The following IQCJ variants were observed in gnomAD, a reference collection of about 807,000 sequenced individuals.
The protein encoded by IQCJ is IQ domain-containing protein J.
A neutral mutation model predicts 11.0 loss-of-function variants in IQCJ; 9 were observed. The observed-to-expected ratio is 0.82, with a 90% CI of 0.49 to 1.43. The LOEUF (loss-of-function observed/expected upper bound fraction) is 1.43, where lower values mean the gene tolerates loss of function less well. IQCJ is among the 40% of genes most tolerant of loss of function. IQCJ has a pLI of 0.00. For synonymous variants in IQCJ, 55 were observed against 51.3 expected, an observed-to-expected ratio of 1.07 and a Z score of -0.31; for missense variants, 146 against 133.2, an observed-to-expected ratio of 1.10 and a Z score of -0.47.
At chr3:159,139,281 T>A (rs945614302) in intron 1 of IQCJ, among the ~76,000 whole-genome samples, 1 of 152,158 alleles carries the variant, frequency 6.6e-6, no homozygotes, top group Non-Finnish European at 1.5e-5. Context: ...TTAAAAGAAA[T>A]GAATTGGTTA....
chr3:159,119,037 A>G (rs537614648), intron 1 of IQCJ, among the ~76,000 whole-genome samples: 2 of 152,338 alleles, frequency 1.3e-5, no homozygotes, highest in South Asian at 4.1e-4. Flanking sequence ...CATGCTTTCC[A>G]TAAAAACAGG....
chr3:159,187,832 T>G (rs186862202), intron 1 of IQCJ, among the ~76,000 whole-genome samples: 2 of 152,254 alleles, frequency 1.3e-5, no homozygotes, highest in African/African-American at 4.8e-5. Context: ...GAGTGAAAGC[T>G]TTTCCTCCCT....
At chr3:159,236,541 C>T in intron 1 of IQCJ, among the ~76,000 whole-genome samples, 1 of 152,128 alleles carries the variant, frequency 6.6e-6, no homozygotes, top group East Asian at 1.9e-4. Flanking sequence ...TTGGGCTGTG[C>T]AGCTGGGTCA....
intron 1 of IQCJ, among the ~76,000 whole-genome samples, chr3:159,090,714 A>T (rs183805341): frequency 4.1e-4 from 62 of 151,986 alleles, no homozygotes; most frequent in Non-Finnish European, 1.3e-4. Context: ...CTCTCTTTCC[A>T]CAGGGTCTGG....
At chr3:159,185,667 T>A (rs1164626747) in intron 1 of IQCJ, among the ~76,000 whole-genome samples, 1 of 152,208 alleles carries the variant, frequency 6.6e-6, no homozygotes, top group Non-Finnish European at 1.5e-5. Flanking sequence ...AAAATGACAC[T>A]CACATGATTA....
chr3:159,116,685 A>G (rs1236556286), intron 1 of IQCJ, among the ~76,000 whole-genome samples: 2 of 123,660 alleles, frequency 1.6e-5, no homozygotes, highest in South Asian at 2.6e-4. Flanking sequence ...CTTCATCTAG[A>G]TTTTCTCATC....
At chr3:159,189,118 A>G (rs1246626019) in intron 1 of IQCJ, among the ~76,000 whole-genome samples, 1 of 152,164 alleles carries the variant, frequency 6.6e-6, no homozygotes, top group Non-Finnish European at 1.5e-5. Context: ...TTGACATGAT[A>G]GAGAGTAGGA....
chr3:159,263,697 T>TA lies in IQCJ; in HGVS notation c.*967dup, dbSNP rs1375113321. On this transcript the variant is annotated 3_prime_UTR_variant, in exon 4 of 4. Coordinates refer to ENST00000397832, the MANE Select transcript of IQCJ (RefSeq NM_001042706.3). ...ATTCTTTTTGGGATCAGGTAAAAGT[T>TA]ACTGTATTTGAAATGTTTTCAGATG... The TA allele has an allele frequency of 2.0e-6, 2 of 985,294 alleles. No individual in the cohort carries two copies. Among genetic ancestry groups the TA allele is most frequent in the Non-Finnish European group, 2.4e-6 (2 of 829,894 alleles). 61.0% of individuals were successfully genotyped at this position (985,294 alleles called of 1,614,324 possible). A position where few individuals can be genotyped will look rare whatever the true frequency, so the allele number is the denominator to read the frequency against.
rs973953664 is a variant in IQCJ at position 159,245,350 on chromosome 3, A to G, written c.10-493A>G. Among the ~76,000 whole-genome samples, 6 of 151,406 alleles carry G rather than the reference A, an allele frequency of 4.0e-5. No homozygotes were observed. The South Asian group carries it at 6.3e-4, about 16-fold the overall frequency. ...AAACTGATAGGAAACATTAGTGAGT[A>G]AAAAAAAAGTCACACAATTTGAGTG... On this transcript the variant is annotated intron_variant, in intron 1 of 3. Transcript: ENST00000397832.
chr3:159,101,120 T>C (rs1354180704), intron 1 of IQCJ, among the ~76,000 whole-genome samples: 4 of 134,286 alleles, frequency 3.0e-5, no homozygotes, highest in African/African-American at 8.6e-5. Context: ...CGGGTGGGAG[T>C]GACCCGATTT....
chr3:159,154,289 G>A (rs144980193), intron 1 of IQCJ, among the ~76,000 whole-genome samples: 37 of 152,238 alleles, frequency 2.4e-4, no homozygotes, highest in East Asian at 5.8e-4. Flanking sequence ...CTGTGGCACC[G>A]TAGGCATGGA....
At chr3:159,128,539 C>T (rs1254647738) in intron 1 of IQCJ, among the ~76,000 whole-genome samples, 3 of 152,316 alleles carry the variant, frequency 2.0e-5, no homozygotes, top group East Asian at 1.9e-4. Flanking sequence ...CTTGGCGTCT[C>T]ATCCACAAAT....
intron 1 of IQCJ, among the ~76,000 whole-genome samples, chr3:159,085,074 C>A (rs1019133715): frequency 3.3e-4 from 50 of 152,048 alleles, no homozygotes; most frequent in Non-Finnish European, 5.0e-4. Flanking sequence ...CCTCTCCCCC[C>A]ACCCCACAAC....
intron 1 of IQCJ, among the ~76,000 whole-genome samples, chr3:159,087,179 G>A (rs566309486): frequency 1.0e-3 from 152 of 152,240 alleles, no homozygotes; most frequent in Non-Finnish European, 1.7e-3. Flanking sequence ...AGATAATCGT[G>A]TGGTTTTTGT....
rs554918654 is a variant in IQCJ at position 159,168,105 on chromosome 3, G to A, written c.10-77738G>A. On this transcript the variant is annotated intron_variant, in intron 1 of 3. Coordinates refer to ENST00000397832, the MANE Select transcript of IQCJ (RefSeq NM_001042706.3). ...CAGTGTGTGGTGAGAGGGCACTGAT[G>A]GTGTTGAGTAGACTGGATGTGAGAA... is the stretch of plus-strand genomic sequence containing the variant. Among the ~76,000 whole-genome samples, 8 of 152,242 alleles carry A rather than the reference G, an allele frequency of 5.3e-5. No individual in the cohort carries two copies. In the East Asian group the frequency reaches 1.4e-3, roughly 26 times the overall value.
intron 1 of IQCJ, among the ~76,000 whole-genome samples, chr3:159,162,219 G>A (rs1264621252): frequency 6.6e-6 from 1 of 152,028 alleles, no homozygotes; most frequent in South Asian, 2.1e-4. Flanking sequence ...AGCAGTGGTT[G>A]GTAGTTCTCC....
intron 1 of IQCJ, among the ~76,000 whole-genome samples, chr3:159,189,294 C>T (rs76341374): frequency 6.6e-6 from 1 of 152,094 alleles, no homozygotes; most frequent in African/African-American, 2.4e-5. Context: ...GATATATTTG[C>T]ATTTTTCATA....
rs369377611 is a variant in IQCJ at position 159,114,350 on chromosome 3, G to A, written c.9+44909G>A. ...TTCTGAGACGTAGTCTTGCTATGTT[G>A]CCCAGGCTGGAGTGCAGTGGCATGA... On this transcript the variant is annotated intron_variant, in intron 1 of 3. Coordinates refer to ENST00000397832, the MANE Select transcript of IQCJ (RefSeq NM_001042706.3). 4.1e-5 allele frequency among the ~76,000 whole-genome samples: 6 copies of A among 145,198 alleles called. No homozygotes were observed. The East Asian group carries it at 1.0e-3, about 24-fold the overall frequency.
At chr3:159,245,229 A>G (rs1336207574) in intron 1 of IQCJ, among the ~76,000 whole-genome samples, 1 of 152,152 alleles carries the variant, frequency 6.6e-6, no homozygotes, top group Non-Finnish European at 1.5e-5. Context: ...CAGTCATTAG[A>G]GTCTCTTACC....
Sources: gnomAD v4.1 joint callset for allele counts (sites outside exome capture counted in the v4.1 genomes callset) on GRCh38, gnomAD v4.1.1 for gene constraint, MANE v1.5 for transcripts, NCBI Gene and HGNC (gene_info 2026-07-23, HGNC 2026-07-21) for gene names.